PXDNL: variants seen among roughly 807,000 people sequenced by gnomAD.
PXDNL encodes the protein peroxidasin like, also known as probable oxidoreductase PXDNL.
In PXDNL, 145 loss-of-function variants were observed where a neutral mutation model predicts 150.8. The ratio of observed to expected loss-of-function variants is 0.96; its 90% CI spans 0.84 to 1.10. The LOEUF is 1.10. Ranked by LOEUF, PXDNL falls within the 50% of genes least tolerant of loss-of-function variation. PXDNL has a pLI of 0.00. For missense variants in PXDNL, 2,087 were observed against 1,873.9 expected (o/e 1.11, Z -2.10); for synonymous variants, 757 against 725.7 (o/e 1.04, Z -0.69).
At chr8:51,641,602 A>T (rs1174505006) in intron 2 of PXDNL, among the ~76,000 whole-genome samples, 2 of 151,720 alleles carry the variant, frequency 1.3e-5, no homozygotes, top group South Asian at 2.1e-4. Context: ...AACACATGAA[A>T]AAATGCTCAC....
chr8:51,509,564 C>T (rs964816453), intron 4 of PXDNL, among the ~76,000 whole-genome samples: 1 of 151,930 alleles, frequency 6.6e-6, no homozygotes, highest in Non-Finnish European at 1.5e-5. Flanking sequence ...CTGCGCTGTG[C>T]CTCCCTGGCA....
Position 51,490,299 on chromosome 8 carries a change from G to A in PXDNL, c.453-6585C>T, listed in dbSNP as rs141347110. Among the ~76,000 whole-genome samples the A allele has an allele frequency of 2.0e-5, 3 of 152,166 alleles. No individual in the cohort carries two copies. The South Asian group carries it at 6.2e-4, about 32-fold the overall frequency. ...GAAATAAAATCTGAGCATGTTTCCT[G>A]ATCCTACAATAATTTAGTTAAAATG... On this transcript the variant is annotated intron_variant, in intron 5 of 22. Coordinates refer to ENST00000356297, the MANE Select transcript of PXDNL (RefSeq NM_144651.5).
chr8:51,452,764 G>A lies in PXDNL; in HGVS notation c.1249+755C>T, dbSNP rs1223267097. ...GCACATATCAGGAAGCCCCTAAAAC[G>A]GATCATGTAAATTACCGTACTCTCA... On this transcript the variant is annotated intron_variant, in intron 10 of 22. Coordinates refer to ENST00000356297, the MANE Select transcript of PXDNL (RefSeq NM_144651.5). Among the ~76,000 whole-genome samples, 6 of 152,074 alleles carry A rather than the reference G, an allele frequency of 3.9e-5. No individual in the cohort carries two copies. The South Asian group carries it at 1.0e-3, about 26-fold the overall frequency.
intron 1 of PXDNL, among the ~76,000 whole-genome samples, chr8:51,769,150 A>G (rs1458708561): frequency 6.6e-6 from 1 of 152,202 alleles, no homozygotes; most frequent in African/African-American, 2.4e-5. Context: ...TGAACTGCAC[A>G]TTTTCTATTT....
At chr8:51,489,045 A>G (rs910038181) in intron 5 of PXDNL, among the ~76,000 whole-genome samples, 4 of 152,206 alleles carry the variant, frequency 2.6e-5, no homozygotes, top group Admixed American at 1.3e-4. Flanking sequence ...TAAATGTTAA[A>G]AAGTAAGTAA....
At chr8:51,340,879 A>G (rs149804991) in intron 20 of PXDNL, among the ~76,000 whole-genome samples, 1 of 152,342 alleles carries the variant, frequency 6.6e-6, no homozygotes, top group East Asian at 1.9e-4. Context: ...ATGGTTGGAC[A>G]TTTTACTTTC....
chr8:51,797,158 T>C (rs4598243), intron 1 of PXDNL, among the ~76,000 whole-genome samples: 27,287 of 152,190 alleles, frequency 0.18, 2,873 homozygotes, highest in Non-Finnish European at 0.23. Context: ...AAACTTGGTA[T>C]TGATAGAACA....
intron 4 of PXDNL, among the ~76,000 whole-genome samples, chr8:51,500,603 A>C (rs1811159136): frequency 6.6e-6 from 1 of 152,246 alleles, no homozygotes; most frequent in South Asian, 2.1e-4. Context: ...ACTTCTGAAC[A>C]CAGCTTTTTC....
At chr8:51,779,294 G>A (rs74960104) in intron 1 of PXDNL, among the ~76,000 whole-genome samples, 169 of 152,284 alleles carry the variant, frequency 1.1e-3, no homozygotes, top group Middle Eastern at 0.01. Context: ...GCAAGGGAAG[G>A]CCACACATAT....
chr8:51,419,160 C>A (rs1808881053), intron 14 of PXDNL, among the ~76,000 whole-genome samples: 1 of 152,194 alleles, frequency 6.6e-6, no homozygotes, highest in Non-Finnish European at 1.5e-5. Flanking sequence ...AGGTGCCACA[C>A]AGACAATTAG....
chr8:51,737,437 G>C (rs1817060440), intron 1 of PXDNL, among the ~76,000 whole-genome samples: 2 of 152,220 alleles, frequency 1.3e-5, no homozygotes, highest in African/African-American at 2.4e-5. Context: ...TTATCATTCA[G>C]GTGCAGCCTG....
chr8:51,741,669 C>A (rs1392194844), intron 1 of PXDNL, among the ~76,000 whole-genome samples: 2 of 152,076 alleles, frequency 1.3e-5, no homozygotes, highest in East Asian at 3.9e-4. Flanking sequence ...AAATAGAGAA[C>A]CCCAAAATAG....
At chr8:51,456,321 G>A (rs976279964) in intron 9 of PXDNL, among the ~76,000 whole-genome samples, 16 of 152,094 alleles carry the variant, frequency 1.1e-4, no homozygotes, top group African/African-American at 3.4e-4. Flanking sequence ...TCTTCCCTAT[G>A]CTGTCTTTTC....
intron 21 of PXDNL, among the ~76,000 whole-genome samples, chr8:51,325,659 G>A (rs777863391): frequency 4.9e-4 from 74 of 152,300 alleles, no homozygotes; most frequent in Non-Finnish European, 9.4e-4. Context: ...AGTGAAGAGG[G>A]AGGGGAGCTT....
chr8:51,782,762 C>T (rs879843437), intron 1 of PXDNL, among the ~76,000 whole-genome samples: 1 of 152,136 alleles, frequency 6.6e-6, no homozygotes, highest in Non-Finnish European at 1.5e-5. Context: ...TATCATGAAG[C>T]CAAGTTATCT....
chr8:51,776,466 C>T (rs1010858402), intron 1 of PXDNL, among the ~76,000 whole-genome samples: 7 of 152,026 alleles, frequency 4.6e-5, no homozygotes, highest in South Asian at 4.2e-4. Flanking sequence ...TCAGGCCAGC[C>T]GACACTTAGA....
chr8:51,729,285 A>T (rs1275030391), intron 1 of PXDNL, among the ~76,000 whole-genome samples: 1 of 150,616 alleles, frequency 6.6e-6, no homozygotes, highest in Non-Finnish European at 1.5e-5. Context: ...AAAGATAGTT[A>T]TCCAAAATAT....
intron 19 of PXDNL, among the ~76,000 whole-genome samples, chr8:51,349,685 G>A (rs908269470): frequency 6.6e-6 from 1 of 152,304 alleles, no homozygotes; most frequent in Admixed American, 6.5e-5. Flanking sequence ...GTTCATTGGA[G>A]TGGATTGACA....
chr8:51,342,023 A>G (rs1805998503), intron 20 of PXDNL, among the ~76,000 whole-genome samples: 1 of 152,196 alleles, frequency 6.6e-6, no homozygotes, highest in Admixed American at 6.5e-5. Flanking sequence ...CTGCAAAATT[A>G]TTCATAATTA....
Sources: allele counts gnomAD v4.1 joint callset (sites outside exome capture counted in the v4.1 genomes callset), GRCh38; gene constraint gnomAD v4.1.1; transcripts MANE v1.5; gene names NCBI Gene and HGNC (gene_info 2026-07-23, HGNC 2026-07-21).